The following MGA variants were observed in gnomAD, a reference collection of about 807,000 sequenced individuals.
The protein encoded by MGA is MAX gene-associated protein.
Under a neutral mutation model 261.1 loss-of-function variants are expected in MGA, and 40 were observed. That is an observed-to-expected ratio of 0.15 (90% CI 0.12 to 0.20). The LOEUF is 0.20. Ranked by LOEUF, MGA falls within the 10% of genes least tolerant of loss-of-function variation. The pLI is 1.00. For missense variants in MGA, 3,397 were observed against 3,630.5 expected (o/e 0.94, Z 1.65); for synonymous variants, 1,302 against 1,290.6 (o/e 1.01, Z -0.19).
chr15:41,758,043 G>T (rs1020541277), intron 19 of MGA, among the ~76,000 whole-genome samples: 9 of 151,936 alleles, frequency 5.9e-5, no homozygotes, highest in African/African-American at 2.2e-4. Context: ...CTCCTCAGAG[G>T]ATAGACTAAT....
intron 1 of MGA, among the ~76,000 whole-genome samples, chr15:41,644,035 T>G (rs778684397): frequency 4.5e-4 from 68 of 152,298 alleles, no homozygotes; most frequent in Non-Finnish European, 8.4e-4. Flanking sequence ...ATTCTTTTAT[T>G]TTTTTGAGTC....
In MGA at chr15:41,766,785, C is replaced by G. The variant is rs61757237; in HGVS notation, c.8703C>G (p.Leu2901=). 2,790 of 1,614,008 alleles carry G rather than the reference C, an allele frequency of 1.7e-3. 24 individuals carry two copies. Among genetic ancestry groups the G allele is most frequent in the African/African-American group, 0.015 (1,137 of 75,044 alleles). Residue 2901 remains leucine (L), a synonymous_variant, in exon 24 of 24, where the codon CTC becomes CTG. Transcript: ENST00000219905. ...AGAGTGACTCTATCAGTCCCCTCCT[C>G]TTGCACTTGGAAGACGATGACTTTT... is the stretch of plus-strand genomic sequence containing the variant.
chr15:41,634,837 C>T (rs948493896), intron 1 of MGA, among the ~76,000 whole-genome samples: 8 of 152,124 alleles, frequency 5.3e-5, no homozygotes, highest in Non-Finnish European at 1.0e-4. Context: ...CCATTGAGAC[C>T]TCGAGCTTCA....
chr15:41,730,196 A>AC (rs2061440240), intron 11 of MGA, among the ~76,000 whole-genome samples: 1 of 151,918 alleles, frequency 6.6e-6, no homozygotes, highest in Non-Finnish European at 1.5e-5. Context: ...ACCCAGCCAC[A>AC]TTTGCATCCA....
chr15:41,695,784 T>C (rs963520458), intron 2 of MGA, among the ~76,000 whole-genome samples: 1 of 152,218 alleles, frequency 6.6e-6, no homozygotes, highest in Non-Finnish European at 1.5e-5. Flanking sequence ...TGCAATATTA[T>C]GTTTTATGTT....
intron 9 of MGA, among the ~76,000 whole-genome samples, chr15:41,713,713 G>C (rs548326022): frequency 6.6e-6 from 1 of 152,056 alleles, no homozygotes; most frequent in Non-Finnish European, 1.5e-5. Flanking sequence ...TTGCTTTTTT[G>C]TGCTAAATTT....
At chr15:41,695,018 AAT>A (rs1451095604) in intron 2 of MGA, among the ~76,000 whole-genome samples, 2 of 152,064 alleles carry the variant, frequency 1.3e-5, no homozygotes, top group Non-Finnish European at 2.9e-5. Context: ...TTTGTTAGTG[AAT>A]ATATATAGTG....
chr15:41,678,779 A>G (rs1473246315), intron 2 of MGA, among the ~76,000 whole-genome samples: 1 of 151,602 alleles, frequency 6.6e-6, no homozygotes, highest in African/African-American at 2.4e-5. Flanking sequence ...AAAAAAAAAA[A>G]ACCACAAAAT....
At chr15:41,757,444 T>TATATGCAA (rs1311772516) in intron 18 of MGA, among the ~76,000 whole-genome samples, 1 of 152,210 alleles carries the variant, frequency 6.6e-6, no homozygotes, top group Non-Finnish European at 1.5e-5. Context: ...GTGCCTATGT[T>TATATGCAA]ATATGCAAAT....
chr15:41,701,903 CAATT>C (rs1348877165), intron 5 of MGA, among the ~76,000 whole-genome samples: 1 of 152,004 alleles, frequency 6.6e-6, no homozygotes. Flanking sequence ...TTTTGAAAAA[CAATT>C]AAATCTGTAA....
At chr15:41,691,157 T>C (rs1183568316) in intron 2 of MGA, among the ~76,000 whole-genome samples, 1 of 152,130 alleles carries the variant, frequency 6.6e-6, no homozygotes, top group Admixed American at 6.5e-5. Context: ...ATATGAAATA[T>C]TTTTTGTCCA....
At position 41,742,717 on chromosome 15, in the gene MGA, C is replaced by T; in HGVS notation, c.4757C>T (p.Pro1586Leu). The stretch of plus-strand genomic sequence containing the variant: ...GTCACACCTGTGGTTTCTTCTGAGC[C>T]AGTTCAGGTGTGCAGCCCTGTGACT... Residue 1586 changes from proline to leucine, a missense_variant, in exon 15 of 24, where the codon CCA becomes CTA. This residue lies in a region of MGA where 1,410 missense variants were observed against 1,386.4 expected (regional missense o/e 1.02). Transcript: ENST00000219905. 6.2e-7 allele frequency: 1 copy of T among 1,613,992 alleles called. No individual in the cohort carries two copies. Among genetic ancestry groups the T allele is most frequent in the African/African-American group, 1.3e-5 (1 of 75,040 alleles).
chr15:41,674,447 C>T (rs1386630835), intron 2 of MGA, among the ~76,000 whole-genome samples: 2 of 152,200 alleles, frequency 1.3e-5, no homozygotes, highest in African/African-American at 4.8e-5. Flanking sequence ...GCCTGCTCAC[C>T]TCAGCCTCCC....
chr15:41,696,049 A>T, intron 2 of MGA, 26 bp from the exon 3 acceptor site: 1 of 1,501,424 alleles, frequency 6.7e-7, no homozygotes, highest in African/African-American at 1.4e-5. Context: ...GTACTTTTAA[A>T]ATCCCTTTCT....
Position 41,691,067 on chromosome 15 carries a change from A to G in MGA, c.1065-5008A>G, listed in dbSNP as rs193076249. Among the ~76,000 whole-genome samples the G allele has an allele frequency of 2.3e-3, 332 of 147,222 alleles. 1 individual carries two copies. Among genetic ancestry groups the G allele is most frequent in the African/African-American group, 7.8e-3 (313 of 40,300 alleles). ...TTAGGGTCAGTTTGTCCCTTTCTGA[A>G]AAAAAAAATCACAGATGGAGTTTTG... On this transcript the variant is annotated intron_variant, in intron 2 of 23. Transcript: ENST00000219905.
At chr15:41,673,195 G>A (rs1272950969) in intron 2 of MGA, among the ~76,000 whole-genome samples, 1 of 151,678 alleles carries the variant, frequency 6.6e-6, no homozygotes, top group African/African-American at 2.4e-5. Flanking sequence ...TTATGCTCTC[G>A]TAGTCCTTAG....
At chr15:41,739,435 T>C (rs1030068602) in intron 13 of MGA, among the ~76,000 whole-genome samples, 1 of 152,222 alleles carries the variant, frequency 6.6e-6, no homozygotes, top group African/African-American at 2.4e-5. Context: ...TAAAGTAGAT[T>C]TCACTTATAT....
In MGA at chr15:41,669,395, T is replaced by C; in HGVS notation, c.501T>C (p.His167=). 6.2e-7 allele frequency: 1 copy of C among 1,613,980 alleles called. No individual in the cohort carries two copies. The highest frequency in any genetic ancestry group is 8.5e-7 in the Non-Finnish European group (1 of 1,179,884). The change falls in exon 2 of 24, where the codon CAT becomes CAC. Residue 167 remains histidine (H), a synonymous_variant. Coordinates refer to ENST00000219905, the MANE Select transcript of MGA (RefSeq NM_001164273.2). ...ATCCAGAATCTCCTTCCACAGGTCA[T>C]TATTGGATGCATCAACCAGTATCTT... is the stretch of plus-strand genomic sequence containing the variant.
At chr15:41,704,378 G>A (rs913337930) in intron 5 of MGA, among the ~76,000 whole-genome samples, 4 of 152,062 alleles carry the variant, frequency 2.6e-5, no homozygotes, top group African/African-American at 7.2e-5. Context: ...AGTGATTAGC[G>A]GCCAGGCGCG....
Sources: gnomAD v4.1 joint callset for allele counts (sites outside exome capture counted in the v4.1 genomes callset) on GRCh38, gnomAD v4.1.1 for gene constraint, gnomAD v4.1.1 regional missense constraint, MANE v1.5 for transcripts, NCBI Gene and HGNC (gene_info 2026-07-23, HGNC 2026-07-21) for gene names.